NFIC: variants seen among roughly 807,000 people sequenced by gnomAD.
NFIC encodes nuclear factor 1 C-type.
In NFIC, 12 loss-of-function variants were observed where a neutral mutation model predicts 54.4. That is an observed-to-expected ratio of 0.22 (90% CI 0.14 to 0.36). The LOEUF is 0.36. NFIC is among the 10% of genes least tolerant of loss of function. The pLI is 1.00. For synonymous variants in NFIC, 322 were observed against 319.2 expected (o/e 1.01, Z -0.09); for missense variants, 575 against 718.2 (o/e 0.80, Z 2.28).
chr19:3,444,819 TTGCACACACGCA>T (rs944872163), intron 6 of NFIC, among the ~76,000 whole-genome samples: 5 of 151,796 alleles, frequency 3.3e-5, no homozygotes, highest in Non-Finnish European at 5.9e-5. Flanking sequence ...ACACACACGC[TTGCACACACGCA>T]TGCATGCTCA....
chr19:3,421,524 C>T (rs891117720), intron 2 of NFIC, among the ~76,000 whole-genome samples: 1 of 152,234 alleles, frequency 6.6e-6, no homozygotes, highest in African/African-American at 2.4e-5. Context: ...TGCTGTCCAG[C>T]CCAGATGGCC....
intron 3 of NFIC, among the ~76,000 whole-genome samples, chr19:3,429,249 TATATACAC>T (rs1242943213): frequency 3.7e-5 from 1 of 27,160 alleles, no homozygotes; most frequent in African/African-American, 1.3e-4. Flanking sequence ...AAAAAAAAAA[TATATACAC>T]ACACACACAC....
chr19:3,403,663 G>A (rs1006031422), intron 2 of NFIC, among the ~76,000 whole-genome samples: 1 of 152,236 alleles, frequency 6.6e-6, no homozygotes, highest in Non-Finnish European at 1.5e-5. Flanking sequence ...GCCCTCCCCT[G>A]GGCGCCTGCC....
rs993403327 is a variant in NFIC, at chr19:3,370,574, C to T, written c.30+3908C>T. Among the ~76,000 whole-genome samples the T allele has an allele frequency of 6.7e-6, 1 of 149,714 alleles. No homozygotes were observed. ...CTCTCTCCTTCTCTGTCTCCCTTTC[C>T]GTCTTTCCCTCTTCCTTTCTCTCTC... On this transcript the variant is annotated intron_variant, in intron 1 of 10. Coordinates refer to ENST00000443272, the MANE Select transcript of NFIC (RefSeq NM_001245002.2). The surrounding 1 kb of genome is among the most constrained non-coding windows in gnomAD (Gnocchi z 5.2).
intron 2 of NFIC, among the ~76,000 whole-genome samples, chr19:3,417,792 A>T (rs1251948767): frequency 1.5e-5 from 2 of 132,592 alleles, no homozygotes; most frequent in Non-Finnish European, 3.2e-5. Flanking sequence ...CGCCCGGCTA[A>T]TTTTTTTTTT....
chr19:3,407,913 AGAG>A (rs2081680802), intron 2 of NFIC, among the ~76,000 whole-genome samples: 1 of 152,146 alleles, frequency 6.6e-6, no homozygotes, highest in Non-Finnish European at 1.5e-5. Flanking sequence ...GCAGGAGCTC[AGAG>A]GACTCAGGCC....
At chr19:3,393,358 G>A (rs897359616) in intron 2 of NFIC, among the ~76,000 whole-genome samples, 2 of 152,146 alleles carry the variant, frequency 1.3e-5, no homozygotes, top group African/African-American at 4.8e-5. Flanking sequence ...CTGAGGGGAG[G>A]AAGACGCGAG....
chr19:3,432,801 G>C (rs1042205524), intron 3 of NFIC, among the ~76,000 whole-genome samples: 1 of 150,642 alleles, frequency 6.6e-6, no homozygotes, highest in African/African-American at 2.4e-5. Flanking sequence ...CAGCCTCCCA[G>C]GTAGCTGGGA....
Position 3,464,440 on chromosome 19 carries a change from C to T in NFIC, c.*1671C>T, listed in dbSNP as rs1470452564. On this transcript the variant is annotated 3_prime_UTR_variant, in exon 11 of 11. Transcript: ENST00000443272. The stretch of plus-strand genomic sequence containing the variant: ...CCCTATCCACACCTCCACCCCCACC[C>T]CAGGATCGCCATCTTTAGGGGAGGC... 2 of 984,774 alleles carry T rather than the reference C, an allele frequency of 2.0e-6. No homozygotes were observed. Among genetic ancestry groups the T allele is most frequent in the Non-Finnish European group, 1.2e-6 (1 of 829,632 alleles). The allele number at this position is 984,774 out of a possible 1,614,324, so 61.0% of individuals were successfully genotyped here.
chr19:3,447,879 G>A (rs532425521), intron 6 of NFIC, among the ~76,000 whole-genome samples: 58 of 152,086 alleles, frequency 3.8e-4, no homozygotes, highest in African/African-American at 1.3e-3. Context: ...GAGTCCATCC[G>A]TTTTTTGTTT....
In NFIC at chr19:3,393,398, C is replaced by T. The variant is rs375280167; in HGVS notation, c.562+11155C>T. Among the ~76,000 whole-genome samples, 223 of 152,266 alleles carry T rather than the reference C, an allele frequency of 1.5e-3. 1 individual carries two copies. Among genetic ancestry groups the T allele is most frequent in the African/African-American group, 5.0e-3 (207 of 41,556 alleles). ...TCAACGCTGAAGTGGTTTCTAGATT[C>T]TCCAGGGCATGAGTCCTGAAATCCC... is the stretch of plus-strand genomic sequence containing the variant. On this transcript the variant is annotated intron_variant, in intron 2 of 10. Coordinates refer to ENST00000443272, the MANE Select transcript of NFIC (RefSeq NM_001245002.2).
intron 6 of NFIC, among the ~76,000 whole-genome samples, chr19:3,435,409 C>G (rs2082185283): frequency 6.6e-6 from 1 of 152,198 alleles, no homozygotes; most frequent in Non-Finnish European, 1.5e-5. Context: ...CTCTTTGGTT[C>G]CGCTGCGGCG....
intron 9 of NFIC, 113 bp from the exon 10 acceptor site, chr19:3,456,437 T>C (rs1555683310): frequency 3.0e-6 from 3 of 1,014,232 alleles, no homozygotes; most frequent in African/African-American, 3.2e-5. Context: ...AGGCACTGGG[T>C]GCAGAGGCCC....
Sources: allele counts gnomAD v4.1 joint callset (sites outside exome capture counted in the v4.1 genomes callset), GRCh38; gene constraint gnomAD v4.1.1; non-coding constraint Gnocchi (gnomAD v3.1); transcripts MANE v1.5; gene names NCBI Gene and HGNC (gene_info 2026-07-23, HGNC 2026-07-21).